ELSPBP1: variants seen among roughly 807,000 people sequenced by gnomAD.
The protein encoded by ELSPBP1 is epididymal sperm-binding protein 1.
ELSPBP1 carries 38 observed loss-of-function variants against 33.3 expected under a neutral mutation model. That is an observed-to-expected ratio of 1.14 (90% confidence interval 0.88 to 1.50). The LOEUF (loss-of-function observed/expected upper bound fraction) is 1.50, where lower values mean the gene tolerates loss of function less well. Ranked by LOEUF, ELSPBP1 falls within the 40% of genes most tolerant of loss-of-function variation. The pLI is 0.00. For synonymous variants in ELSPBP1, 85 were observed against 94.1 expected, an observed-to-expected ratio of 0.90 and a Z score of 0.56; for missense variants, 267 against 263.5, an observed-to-expected ratio of 1.01 and a Z score of -0.09.
chr19:48,011,309 TTGA>T lies in ELSPBP1; in HGVS notation c.70+2574_70+2576del, dbSNP rs1439122276. On this transcript the variant is annotated intron_variant, in intron 2 of 6. Transcript: ENST00000339841. This position sits in a 1 kb window ranked among gnomAD's most constrained non-coding sequence, Gnocchi z 4.5. ...CACCATGATAATGACAATAATGAGG[TTGA>T]TAATGATGGTGACAATGACTGATGA... Among the ~76,000 whole-genome samples, 4 of 150,156 alleles carry T rather than the reference TTGA, an allele frequency of 2.7e-5. No individual in the cohort carries two copies. The highest frequency in any genetic ancestry group is 9.8e-5 in the African/African-American group (4 of 40,618).
rs527975575 is a variant in ELSPBP1 at position 48,016,708 on chromosome 19, C to G, written c.355+669C>G. Among the ~76,000 whole-genome samples, 33 of 151,956 alleles carry G rather than the reference C, an allele frequency of 2.2e-4. No homozygotes were observed. The South Asian group carries it at 5.4e-3, about 25-fold the overall frequency. ...CTGCCTCCCAGGTTCAAAGGATTCT[C>G]CTGCCTCAGCCTCCTGAGTAGCTGG... On this transcript the variant is annotated intron_variant, in intron 4 of 6. Transcript: ENST00000339841.
Position 48,020,477 on chromosome 19 carries a change from T to C in ELSPBP1, c.514+600T>C, listed in dbSNP as rs138038356. ...TCCCCCTTGGGTGAGAACATGTGTGTTGGGAGACTCAGACTCAAATTTCCT... is the reference window on the plus strand; with the variant it reads ...TCCCCCTTGGGTGAGAACATGTGTGCTGGGAGACTCAGACTCAAATTTCCT... On this transcript the variant is annotated intron_variant, in intron 5 of 6. Transcript: ENST00000339841. Among the ~76,000 whole-genome samples the C allele has an allele frequency of 3.8e-3, 581 of 152,314 alleles. 2 individuals are homozygous for C. Among genetic ancestry groups the C allele is most frequent in the Admixed American group, 6.2e-3 (95 of 15,286 alleles).
chr19:48,000,509 G>A (rs928603762), intron 1 of ELSPBP1, among the ~76,000 whole-genome samples: 1 of 152,128 alleles, frequency 6.6e-6, no homozygotes, highest in South Asian at 2.1e-4. Context: ...AAAGTGCCGG[G>A]ATTACATTCA....
chr19:48,022,245 C>G lies in ELSPBP1; in HGVS notation c.590C>G (p.Thr197Ser). The change falls in exon 6 of 7, where the codon ACT becomes AGT. Residue 197 changes from threonine (T) to serine (S), a missense_variant. Thr to Ser is a moderately conservative substitution (Grantham distance 58). Coordinates refer to ENST00000339841, the MANE Select transcript of ELSPBP1 (RefSeq NM_022142.5). Reference protein sequence around the residue: ...NYKNKNYFNCTNEGSKENLVW... With the variant: ...NYKNKNYFNCSNEGSKENLVW... ...AAAAACAAGAATTATTTTAACTGCA[C>G]TAACGAAGGATCAAAGGAGAACCTT... The G allele has an allele frequency of 6.2e-7, 1 of 1,614,016 alleles. No individual in the cohort carries two copies. The highest frequency in any genetic ancestry group is 1.1e-5 in the South Asian group (1 of 91,036).
chr19:47,998,862 C>G (rs909765370), intron 1 of ELSPBP1, among the ~76,000 whole-genome samples: 1 of 151,768 alleles, frequency 6.6e-6, no homozygotes, highest in Admixed American at 6.6e-5. Context: ...AAGTCTCAGA[C>G]GAGCTTGTGT....
chr19:48,022,853 C>A (rs111428845), intron 6 of ELSPBP1, among the ~76,000 whole-genome samples: 5,450 of 149,524 alleles, frequency 0.036, 330 homozygotes, highest in African/African-American at 0.13. Context: ...GAGTTTGAGA[C>A]CACCCTGGGC....
intron 1 of ELSPBP1, among the ~76,000 whole-genome samples, chr19:48,007,085 C>T (rs1325978057): frequency 6.6e-6 from 1 of 152,128 alleles, no homozygotes; most frequent in African/African-American, 2.4e-5. Flanking sequence ...CTGATGCCTT[C>T]CCGAGCTATC....
chr19:48,013,916 G>A (rs1967102778), intron 2 of ELSPBP1, among the ~76,000 whole-genome samples: 1 of 151,938 alleles, frequency 6.6e-6, no homozygotes, highest in Non-Finnish European at 1.5e-5. Context: ...TCGTAGAAGG[G>A]GCTAGCTAGC....
chr19:48,009,906 C>T (rs1246426532), intron 2 of ELSPBP1, among the ~76,000 whole-genome samples: 2 of 152,128 alleles, frequency 1.3e-5, no homozygotes, highest in Non-Finnish European at 2.9e-5. Context: ...ACATCCCCTA[C>T]GGTTTCAGAG....
chr19:47,998,149 CA>C (rs1966928625), intron 1 of ELSPBP1, among the ~76,000 whole-genome samples: 1 of 152,226 alleles, frequency 6.6e-6, no homozygotes, highest in East Asian at 1.9e-4. Flanking sequence ...CGCGGTAGCT[CA>C]ATCCTGTAAT....
chr19:48,017,753 G>C (rs1447411731), intron 4 of ELSPBP1, among the ~76,000 whole-genome samples: 1 of 151,876 alleles, frequency 6.6e-6, no homozygotes, highest in African/African-American at 2.4e-5. Flanking sequence ...AAAATTAACT[G>C]ATCATGGTGG....
At chr19:48,000,937 C>T (rs1463289192) in intron 1 of ELSPBP1, among the ~76,000 whole-genome samples, 4 of 152,188 alleles carry the variant, frequency 2.6e-5, no homozygotes, top group African/African-American at 4.8e-5. Context: ...CACACCTAAC[C>T]GACTTGACAC....
At chr19:48,006,621 CAAAA>C (rs1190341508) in intron 1 of ELSPBP1, among the ~76,000 whole-genome samples, 19 of 20,878 alleles carry the variant, frequency 9.1e-4, no homozygotes, top group Middle Eastern at 0.029. Context: ...GACCCTGTCT[CAAAA>C]AAAAAAAAAA....
At chr19:47,997,867 A>T (rs1339664793) in intron 1 of ELSPBP1, among the ~76,000 whole-genome samples, 1 of 152,242 alleles carries the variant, frequency 6.6e-6, no homozygotes, top group African/African-American at 2.4e-5. Context: ...GACATAAGTC[A>T]CACATCTGTG....
chr19:48,016,879 A>T (rs1382166840), intron 4 of ELSPBP1, among the ~76,000 whole-genome samples: 4 of 152,174 alleles, frequency 2.6e-5, no homozygotes, highest in Non-Finnish European at 5.9e-5. Context: ...GATTACAGGC[A>T]TGAGGCACTG....
At chr19:48,018,640 A>G (rs150904765) in intron 4 of ELSPBP1, among the ~76,000 whole-genome samples, 2 of 152,342 alleles carry the variant, frequency 1.3e-5, no homozygotes, top group African/African-American at 4.8e-5. Flanking sequence ...AGTTTTACAC[A>G]TGGACAAACT....
intron 1 of ELSPBP1, among the ~76,000 whole-genome samples, chr19:47,998,018 C>T (rs769686176): frequency 2.0e-5 from 3 of 152,182 alleles, no homozygotes; most frequent in Non-Finnish European, 2.9e-5. Context: ...GATGCAGTGT[C>T]TTGCTGAGAA....
At chr19:48,002,561 T>C (rs1236169732) in intron 1 of ELSPBP1, among the ~76,000 whole-genome samples, 1 of 152,142 alleles carries the variant, frequency 6.6e-6, no homozygotes, top group Admixed American at 6.5e-5. Context: ...GAGGCCCAGG[T>C]AAGCAGATCA....
intron 6 of ELSPBP1, 182 bp downstream of exon 6, chr19:48,022,516 T>C: frequency 2.1e-6 from 1 of 468,708 alleles, no homozygotes; most frequent in Non-Finnish European, 3.6e-6. Flanking sequence ...TTCCCAGCAA[T>C]GCGGGCTCCT....
Sources: gnomAD v4.1 joint callset for allele counts (sites outside exome capture counted in the v4.1 genomes callset) on GRCh38, gnomAD v4.1.1 for gene constraint, Gnocchi (gnomAD v3.1) non-coding constraint, MANE v1.5 for transcripts, NCBI Gene and HGNC (gene_info 2026-07-23, HGNC 2026-07-21) for gene names.